Variants in CCSER1 observed in about 807,000 individuals in gnomAD.
The protein encoded by CCSER1 is coiled-coil serine rich protein 1.
In CCSER1, 41 loss-of-function variants were observed where a neutral mutation model predicts 82.0. That is an observed-to-expected ratio of 0.50 (90% CI 0.39 to 0.65). The LOEUF (loss-of-function observed/expected upper bound fraction) is 0.65. Among genes scored for constraint, CCSER1 ranks in the 30% least tolerant of loss-of-function variants. The pLI is 0.00. For synonymous variants in CCSER1, 414 were observed against 383.9 expected, an observed-to-expected ratio of 1.08 and a Z score of -0.92; for missense variants, 1,119 against 1,064.2, an observed-to-expected ratio of 1.05 and a Z score of -0.72.
rs73834779 is a variant in CCSER1 at position 91,092,225 on chromosome 4, T to A, written c.2217+6231T>A. ...GCTTCCAAGTGAGTCCCAATACCTT[T>A]GCTGTCCTCTGTACTAAGTCAGCCA... On this transcript the variant is annotated intron_variant, in intron 10 of 10. Transcript: ENST00000509176. Among the ~76,000 whole-genome samples, 720 of 152,312 alleles carry A rather than the reference T, an allele frequency of 4.7e-3. 8 individuals carry two copies. Among genetic ancestry groups the A allele is most frequent in the African/African-American group, 0.016 (671 of 41,576 alleles).
At chr4:90,348,894 A>T (rs1303662480) in intron 3 of CCSER1, among the ~76,000 whole-genome samples, 1 of 152,010 alleles carries the variant, frequency 6.6e-6, no homozygotes, top group African/African-American at 2.4e-5. Context: ...CTTTGTCCAT[A>T]TTTTTATATA....
At chr4:90,228,795 G>C (rs183152801) in intron 1 of CCSER1, among the ~76,000 whole-genome samples, 58 of 152,318 alleles carry the variant, frequency 3.8e-4, no homozygotes, top group African/African-American at 1.3e-3. Context: ...TGGAGCTGAA[G>C]ACCAAGGCTC....
chr4:90,932,992 GAAAGAAA>G (rs1730271545), intron 9 of CCSER1, among the ~76,000 whole-genome samples: 1 of 44,318 alleles, frequency 2.3e-5, no homozygotes, highest in Non-Finnish European at 4.1e-5. Context: ...GAGAAAGAAA[GAAAGAAA>G]GAAAGAAAGA....
intron 4 of CCSER1, among the ~76,000 whole-genome samples, chr4:90,454,493 T>C (rs1761919852): frequency 6.6e-6 from 1 of 152,190 alleles, no homozygotes; most frequent in Non-Finnish European, 1.5e-5. Flanking sequence ...ATCCCTTTTC[T>C]ATCATGTTTA....
intron 10 of CCSER1, among the ~76,000 whole-genome samples, chr4:91,231,392 A>T (rs1382618652): frequency 2.0e-5 from 3 of 151,968 alleles, no homozygotes; most frequent in African/African-American, 4.8e-5. Context: ...ACAATGGTCA[A>T]AAATGAAACA....
chr4:90,915,917 G>A (rs2150215845), intron 8 of CCSER1, among the ~76,000 whole-genome samples: 1 of 152,130 alleles, frequency 6.6e-6, no homozygotes, highest in East Asian at 1.9e-4. Flanking sequence ...ATTCACAATT[G>A]CTTCAAAGAG....
At chr4:90,892,598 T>TC (rs1723117475) in intron 8 of CCSER1, among the ~76,000 whole-genome samples, 1 of 147,318 alleles carries the variant, frequency 6.8e-6, no homozygotes. Context: ...TAATCCATCT[T>TC]CATTTATTTT....
chr4:90,799,090 C>T (rs1756432672), intron 7 of CCSER1, among the ~76,000 whole-genome samples: 3 of 152,204 alleles, frequency 2.0e-5, no homozygotes, highest in Non-Finnish European at 2.9e-5. Context: ...CACAGCTTGG[C>T]GGTGAGGGGG....
chr4:91,429,607 A>T (rs949863591), intron 10 of CCSER1, among the ~76,000 whole-genome samples: 10 of 151,934 alleles, frequency 6.6e-5, no homozygotes, highest in Admixed American at 1.3e-4. Flanking sequence ...AAACATATGA[A>T]AGCAAAATTC....
At chr4:91,034,215 G>A (rs1474459964) in intron 9 of CCSER1, among the ~76,000 whole-genome samples, 1 of 152,194 alleles carries the variant, frequency 6.6e-6, no homozygotes, top group African/African-American at 2.4e-5. Context: ...CATTCAAGAT[G>A]ATAGGAGGAT....
At chr4:91,540,902 T>C (rs1761557701) in intron 10 of CCSER1, among the ~76,000 whole-genome samples, 1 of 152,166 alleles carries the variant, frequency 6.6e-6, no homozygotes, top group South Asian at 2.1e-4. Flanking sequence ...ACGCCATTTA[T>C]CAGTTTGTTC....
chr4:91,573,181 T>A (rs902064416), intron 10 of CCSER1, among the ~76,000 whole-genome samples: 1 of 152,136 alleles, frequency 6.6e-6, no homozygotes, highest in Admixed American at 6.5e-5. Flanking sequence ...CTCCAAAACC[T>A]GAAGGCTGGA....
At chr4:90,552,184 G>C (rs910783973) in intron 5 of CCSER1, among the ~76,000 whole-genome samples, 4 of 152,092 alleles carry the variant, frequency 2.6e-5, no homozygotes, top group African/African-American at 9.7e-5. Context: ...TTCAACACCT[G>C]AATTTTGTAG....
intron 10 of CCSER1, among the ~76,000 whole-genome samples, chr4:91,267,763 A>AG (rs1327208579): frequency 1.3e-5 from 2 of 152,248 alleles, no homozygotes; most frequent in Non-Finnish European, 2.9e-5. Flanking sequence ...ATTTATGACT[A>AG]GCTGAGAGGA....
chr4:90,309,843 G>A (rs1301431889), intron 2 of CCSER1, among the ~76,000 whole-genome samples: 1 of 151,798 alleles, frequency 6.6e-6, no homozygotes, highest in Non-Finnish European at 1.5e-5. Flanking sequence ...TCTCACTTAT[G>A]TTATCCATAA....
Position 90,719,317 on chromosome 4 carries a change from T to C in CCSER1, c.1933-4597T>C, listed in dbSNP as rs76367299. Among the ~76,000 whole-genome samples, 368 of 152,264 alleles carry C rather than the reference T, an allele frequency of 2.4e-3. 11 individuals are homozygous for C. In the East Asian group the frequency reaches 0.064, roughly 26 times the overall value. ...TCACATTCTCCCATCCCTCCCAAGATGGGACATCTAGTTGCAGGAAAACAG... is the reference window on the plus strand; with the variant it reads ...TCACATTCTCCCATCCCTCCCAAGACGGGACATCTAGTTGCAGGAAAACAG... On this transcript the variant is annotated intron_variant, in intron 6 of 10. Transcript: ENST00000509176.
At chr4:90,759,871 A>C (rs973176587) in intron 7 of CCSER1, among the ~76,000 whole-genome samples, 1 of 152,178 alleles carries the variant, frequency 6.6e-6, no homozygotes, top group African/African-American at 2.4e-5. Flanking sequence ...ATTTCAAAAA[A>C]TTTACAAAAT....
rs199990705 is a variant in CCSER1 at position 90,243,573 on chromosome 4, G to A, written c.-41-64671G>A. Among the ~76,000 whole-genome samples, 30 of 141,384 alleles carry A rather than the reference G, an allele frequency of 2.1e-4. No homozygotes were observed. The East Asian group carries it at 5.7e-3, about 27-fold the overall frequency. The allele number at this position is 141,384 out of a possible 152,430, so 92.8% of individuals were successfully genotyped here. On this transcript the variant is annotated intron_variant, in intron 1 of 10. Coordinates refer to ENST00000509176, the MANE Select transcript of CCSER1 (RefSeq NM_001145065.2). ...TGTTTTTATTTTTTATTTTGGGGAG[G>A]TGGGGGGTCTTGCTTTGTTGCCCAG... is the stretch of plus-strand genomic sequence containing the variant.
intron 9 of CCSER1, among the ~76,000 whole-genome samples, chr4:91,040,095 T>TTTAAGCTATTTA (rs1236033224): frequency 9.9e-5 from 15 of 152,094 alleles, no homozygotes; most frequent in Non-Finnish European, 1.6e-4. Context: ...AGTGAGAAAA[T>TTTAAGCTATTTA]CAAGGCTTAA....
Sources: gnomAD v4.1 joint callset for allele counts (sites outside exome capture counted in the v4.1 genomes callset) on GRCh38, gnomAD v4.1.1 for gene constraint, MANE v1.5 for transcripts, NCBI Gene and HGNC (gene_info 2026-07-23, HGNC 2026-07-21) for gene names.